Variants in APAF1 observed in about 807,000 individuals in gnomAD.
APAF1 encodes apoptotic peptidase activating factor 1.
APAF1 carries 91 observed loss-of-function variants against 152.4 expected under a neutral mutation model. The ratio of observed to expected loss-of-function variants is 0.60; its 90% CI spans 0.50 to 0.71. APAF1 has a LOEUF of 0.71. APAF1 is among the 30% of genes least tolerant of loss of function. APAF1 has a pLI of 0.00. For missense variants in APAF1, 1,283 were observed against 1,472.0 expected (o/e 0.87, Z 2.10); for synonymous variants, 484 against 494.1 (o/e 0.98, Z 0.27).
intron 4 of APAF1, among the ~76,000 whole-genome samples, chr12:98,655,807 A>G (rs989505542): frequency 6.7e-6 from 1 of 148,962 alleles, no homozygotes; most frequent in African/African-American, 2.5e-5. Context: ...TTTTTGAGAC[A>G]GAGTCTCACT....
chr12:98,662,684 A>T lies in APAF1; in HGVS notation c.833A>T (p.Tyr278Phe), dbSNP rs898651129. ...SVTDSVMGPK[Y>F]VVPVESSLGK... is the part of the protein sequence containing the mutation. The stretch of plus-strand genomic sequence containing the variant: ...TGATTTTTGTTTGCAGGTCCTAAAT[A>T]TGTAGTCCCTGTGGAGAGTTCCTTA... Residue 278 changes from tyrosine to phenylalanine, a missense_variant, in exon 7 of 27, where the codon TAT (tyrosine) becomes TTT (phenylalanine). Transcript: ENST00000551964. The T allele has an allele frequency of 3.7e-6, 6 of 1,613,192 alleles. No individual in the cohort carries two copies. The African/African-American group carries it at 8.0e-5, about 22-fold the overall frequency.
At chr12:98,649,337 A>G in intron 3 of APAF1, 150 bp from the exon 4 acceptor site, 1 of 1,292,952 alleles carries the variant, frequency 7.7e-7, no homozygotes. Flanking sequence ...GAAATCAGAA[A>G]ATTGAAGTTA....
At chr12:98,673,247 G>A (rs1324884444) in intron 12 of APAF1, among the ~76,000 whole-genome samples, 3 of 151,162 alleles carry the variant, frequency 2.0e-5, no homozygotes, top group African/African-American at 4.8e-5. Flanking sequence ...TTGGGAGGCC[G>A]AGGCGGGCGG....
In APAF1 at chr12:98,666,243, G is replaced by A. The variant is rs147249307; in HGVS notation, c.1248G>A (p.Gln416=). Reference sequence around the variant, plus strand: ...CTGAAGAAGTTGAAGACATACTGCAGGAGTTTGTAAATAAGTCTCTTTTAT... The same window carrying A: ...CTGAAGAAGTTGAAGACATACTGCAAGAGTTTGTAAATAAGTCTCTTTTAT... ...METEEVEDIL[Q]EFVNKSLLFC... Residue 416 remains glutamine, a synonymous_variant, in exon 9 of 27, where the codon CAG becomes CAA. Coordinates refer to ENST00000551964, the MANE Select transcript of APAF1 (RefSeq NM_181861.2). The A allele has an allele frequency of 1.3e-4, 206 of 1,613,960 alleles. 1 individual carries two copies. In the African/African-American group the frequency reaches 1.9e-3, roughly 15 times the overall value.
chr12:98,731,812 G>A (rs1338812510), intron 26 of APAF1, among the ~76,000 whole-genome samples: 1 of 152,188 alleles, frequency 6.6e-6, no homozygotes. Flanking sequence ...AGCAAATTCA[G>A]TGATTGGGAA....
At chr12:98,650,623 A>G (rs982234031) in intron 4 of APAF1, among the ~76,000 whole-genome samples, 1 of 152,046 alleles carries the variant, frequency 6.6e-6, no homozygotes, top group African/African-American at 2.4e-5. Context: ...GGGTATATCT[A>G]TGTGTACACA....
rs2097767572 is a variant in APAF1, at chr12:98,735,115, G to T, written c.*2549G>T. ...AATGGGAAGAAAGACAAGGTAACAT[G>T]AAGAAAGAAGAGATACCTAGTATGA... On this transcript the variant is annotated 3_prime_UTR_variant, in exon 27 of 27. Transcript: ENST00000551964. 2.5e-6 allele frequency: 1 copy of T among 398,438 alleles called. No individual in the cohort carries two copies. Among genetic ancestry groups the T allele is most frequent in the South Asian group, 1.3e-4 (1 of 7,840 alleles). The allele number at this position is 398,438 out of a possible 1,614,324, so 24.7% of individuals were successfully genotyped here.
At chr12:98,665,278 A>ATATATATATATATATATATATATATT (rs1491316422) in intron 7 of APAF1, among the ~76,000 whole-genome samples, 10 of 65,984 alleles carry the variant, frequency 1.5e-4, no homozygotes, top group East Asian at 5.5e-4. Flanking sequence ...ATATATATAT[A>ATATATATATATATATATATATATATT]TTTTTTTTTT....
chr12:98,698,227 C>T (rs891470669), intron 16 of APAF1, among the ~76,000 whole-genome samples: 10 of 152,126 alleles, frequency 6.6e-5, no homozygotes, highest in African/African-American at 1.4e-4. Context: ...GAAAACAAAA[C>T]AAAACAAAAC....
At position 98,686,843 on chromosome 12, in the gene APAF1, G is replaced by T; in HGVS notation, c.2274G>T (p.Leu758Phe). Residue 758 changes from leucine (L) to phenylalanine (F), a missense_variant, in exon 16 of 27, where the codon TTG (leucine) becomes TTT (phenylalanine). Coordinates refer to ENST00000551964, the MANE Select transcript of APAF1 (RefSeq NM_181861.2). ...GATTTTCACCAGATGATAAGCTTTTGGCTAGTTGTTCAGCTGATGGAACCT... is the reference window on the plus strand; with the variant it reads ...GATTTTCACCAGATGATAAGCTTTTTGCTAGTTGTTCAGCTGATGGAACCT... ...HCRFSPDDKLLASCSADGTLK... is the reference protein window; with the variant it reads ...HCRFSPDDKLFASCSADGTLK... 5.0e-6 allele frequency: 8 copies of T among 1,613,848 alleles called. No individual in the cohort carries two copies. Among genetic ancestry groups the T allele is most frequent in the Non-Finnish European group, 6.8e-6 (8 of 1,179,932 alleles).
At chr12:98,660,274 A>G (rs1050352317) in intron 5 of APAF1, among the ~76,000 whole-genome samples, 1 of 152,032 alleles carries the variant, frequency 6.6e-6, no homozygotes, top group African/African-American at 2.4e-5. Context: ...TGAGCCTATG[A>G]GATTGAGGCT....
chr12:98,666,116 T>G, intron 8 of APAF1, 74 bp from the exon 9 acceptor site: 1 of 1,378,726 alleles, frequency 7.3e-7, no homozygotes, highest in South Asian at 1.2e-5. Flanking sequence ...TTTTTTTGTG[T>G]GTGTGATAAT....
At chr12:98,677,376 C>T in intron 12 of APAF1, 49 bp from the exon 13 acceptor site, 7 of 1,588,444 alleles carry the variant, frequency 4.4e-6, no homozygotes, top group Non-Finnish European at 5.2e-6. Context: ...AAAATAGTTA[C>T]TTTTACTCTC....
chr12:98,710,611 G>T (rs1393360185), intron 20 of APAF1, among the ~76,000 whole-genome samples: 1 of 152,090 alleles, frequency 6.6e-6, no homozygotes, highest in African/African-American at 2.4e-5. Flanking sequence ...TGTAGAGATG[G>T]GGGCATCTCA....
intron 18 of APAF1, among the ~76,000 whole-genome samples, chr12:98,704,893 C>T (rs994110462): frequency 6.6e-6 from 1 of 152,128 alleles, no homozygotes; most frequent in Non-Finnish European, 1.5e-5. Flanking sequence ...TATTCTCTTG[C>T]CTTAGCTTTC....
chr12:98,665,576 A>G lies in APAF1; in HGVS notation c.979A>G (p.Ile327Val), dbSNP rs771635032. ...AGGCTCTCCCCTTGTAGTATCTTTA[A>G]TTGGTGCACTTTTACGTGATTTTCC... ...CKGSPLVVSL[I>V]GALLRDFPNR... The change falls in exon 8 of 27, where the codon ATT becomes GTT. Residue 327 changes from isoleucine (I) to valine (V), a missense_variant. By Grantham distance (29) the Ile-to-Val change is conservative. Transcript: ENST00000551964. The G allele has an allele frequency of 2.5e-6, 4 of 1,613,564 alleles. No homozygotes were observed. The East Asian group carries it at 8.9e-5, about 36-fold the overall frequency.
intron 4 of APAF1, among the ~76,000 whole-genome samples, chr12:98,656,031 C>T (rs1388991971): frequency 1.3e-5 from 2 of 152,144 alleles, no homozygotes; most frequent in Non-Finnish European, 2.9e-5. Context: ...GATCCGCCCA[C>T]CTCGGCCTCC....
At chr12:98,673,309 A>C (rs2097682591) in intron 12 of APAF1, among the ~76,000 whole-genome samples, 1 of 151,610 alleles carries the variant, frequency 6.6e-6, no homozygotes, top group African/African-American at 2.4e-5. Context: ...GGTGAAACCC[A>C]TCTTTACTAA....
intron 21 of APAF1, 32 bp from the exon 22 acceptor site, chr12:98,715,395 T>G: frequency 6.2e-7 from 1 of 1,608,166 alleles, no homozygotes; most frequent in Non-Finnish European, 8.5e-7. Context: ...GCTTAGTTTC[T>G]TCTTAATTTT....
Sources: gnomAD v4.1 joint callset for allele counts (sites outside exome capture counted in the v4.1 genomes callset) on GRCh38, gnomAD v4.1.1 for gene constraint, MANE v1.5 for transcripts, NCBI Gene and HGNC (gene_info 2026-07-23, HGNC 2026-07-21) for gene names.